CLCA1: variants seen among roughly 807,000 people sequenced by gnomAD.
CLCA1 encodes the protein calcium-activated chloride channel regulator 1.
A neutral mutation model predicts 85.6 loss-of-function variants in CLCA1; 59 were observed. The ratio of observed to expected loss-of-function variants is 0.69; its 90% CI spans 0.56 to 0.86. The LOEUF (loss-of-function observed/expected upper bound fraction) is 0.86, where lower values mean the gene tolerates loss of function less well. Among genes scored for constraint, CLCA1 ranks in the 40% least tolerant of loss-of-function variants. The probability of loss-of-function intolerance (pLI) is 0.00; values close to 1 mark genes in which losing one functional copy is unlikely to be tolerated. For missense variants in CLCA1, 1,022 were observed against 1,101.4 expected (o/e 0.93, Z 1.02); for synonymous variants, 396 against 398.3 (o/e 0.99, Z 0.07).
intron 3 of CLCA1, 67 bp from the exon 4 acceptor site, chr1:86,476,381 C>A: frequency 1.3e-6 from 1 of 765,962 alleles, no homozygotes; most frequent in Non-Finnish European, 2.3e-6. Context: ...ACATTGCTTT[C>A]TTCCAGTGTG....
rs1648342380 is a variant in CLCA1 at position 86,497,997 on chromosome 1, G to C, written c.2114-575G>C. 2.0e-5 allele frequency among the ~76,000 whole-genome samples: 3 copies of C among 152,110 alleles called. No homozygotes were observed. In the South Asian group the frequency reaches 6.2e-4, roughly 32 times the overall value. On this transcript the variant is annotated intron_variant, in intron 12 of 13. Coordinates refer to ENST00000394711, the MANE Select transcript of CLCA1 (RefSeq NM_001285.4). ...ATGTCTACTAAAAATACAAAAATTAGCTCGGTGTGGTGGCACATGCCTGTA... is the reference window on the plus strand; with the variant it reads ...ATGTCTACTAAAAATACAAAAATTACCTCGGTGTGGTGGCACATGCCTGTA...
intron 3 of CLCA1, among the ~76,000 whole-genome samples, chr1:86,474,433 A>C (rs570051639): frequency 6.6e-6 from 1 of 152,082 alleles, no homozygotes; most frequent in Non-Finnish European, 1.5e-5. Context: ...GGACGCCTGT[A>C]GTCCCAGCTA....
intron 9 of CLCA1, among the ~76,000 whole-genome samples, chr1:86,492,594 G>A (rs1239067566): frequency 6.6e-6 from 1 of 152,186 alleles, no homozygotes; most frequent in Non-Finnish European, 1.5e-5. Flanking sequence ...CTTCTAATAG[G>A]TGCTAACTCT....
chr1:86,485,662 A>T, intron 6 of CLCA1, 101 bp downstream of exon 6: 1 of 1,025,916 alleles, frequency 9.7e-7, no homozygotes, highest in South Asian at 1.4e-5. Flanking sequence ...CCCGAGGGCC[A>T]GAATAGTTAT....
At position 86,492,528 on chromosome 1, in the gene CLCA1, G is replaced by T. The variant is rs748291503; in HGVS notation, c.1465-856G>T. ...AGCCCTTCGCTTTCTCCACTTGCCA[G>T]CTTGTGATCTACCTGTGAAACTAGG... On this transcript the variant is annotated intron_variant, in intron 9 of 13. Transcript: ENST00000394711. 1.7e-3 allele frequency among the ~76,000 whole-genome samples: 258 copies of T among 152,202 alleles called. 1 individual carries two copies. Among genetic ancestry groups the T allele is most frequent in the Non-Finnish European group, 2.5e-3 (173 of 68,038 alleles).
At chr1:86,475,739 A>G (rs1299985886) in intron 3 of CLCA1, among the ~76,000 whole-genome samples, 2 of 152,208 alleles carry the variant, frequency 1.3e-5, no homozygotes, top group African/African-American at 4.8e-5. Context: ...GAGTTGAACA[A>G]GAGCATGATA....
chr1:86,485,726 C>T (rs537938248), intron 6 of CLCA1, among the ~76,000 whole-genome samples, 165 bp downstream of exon 6: 20 of 152,280 alleles, frequency 1.3e-4, no homozygotes, highest in African/African-American at 4.3e-4. Context: ...AACAAAGGTT[C>T]AGCATCAACT....
At position 86,491,296 on chromosome 1, in the gene CLCA1, T is replaced by C. The variant is rs560535663; in HGVS notation, c.1389T>C (p.Val463=). ...GGLQTYASDQ[V]QNNGLIDAFG... is the part of the protein sequence containing the mutation. ...TACAGACATATGCTTCAGATCAAGT[T>C]CAGAACAATGGCCTCATTGATGCTT... The change falls in exon 9 of 14, where the codon GTT becomes GTC. Residue 463 remains valine (V), a synonymous_variant. Transcript: ENST00000394711. 13 of 1,613,732 alleles carry C rather than the reference T, an allele frequency of 8.1e-6. No individual in the cohort carries two copies. The South Asian group carries it at 1.4e-4, about 18-fold the overall frequency.
rs1378800026 is a variant in CLCA1 at position 86,469,026 on chromosome 1, GC to G, written c.58del (p.Leu20Ter). The G allele has an allele frequency of 6.2e-7, 1 of 1,613,170 alleles. No individual in the cohort carries two copies. Among genetic ancestry groups the G allele is most frequent in the East Asian group, 2.2e-5 (1 of 44,856 alleles). On this transcript the variant is annotated frameshift_variant, in exon 1 of 14. Transcript: ENST00000394711. LOFTEE classifies it high-confidence loss of function. ...CTTGATTCTTCACCTTCTAGAAGGG[GC>G]CCTGAGTAATTCACTCATTCAGCTG... Reference protein sequence around the residue: ...FILILHLLEGALSNSLIQLNN... With the variant: ...FILILHLLEGXLSNSLIQLNN...
At position 86,476,509 on chromosome 1, in the gene CLCA1, T is replaced by A; in HGVS notation, c.513T>A (p.Asn171Lys). The A allele has an allele frequency of 6.2e-7, 1 of 1,601,716 alleles. No homozygotes were observed. The highest frequency in any genetic ancestry group is 8.6e-7 in the Non-Finnish European group (1 of 1,168,902). Residue 171 changes from asparagine to lysine, a missense_variant, in exon 4 of 14, where the codon AAT becomes AAA. Coordinates refer to ENST00000394711, the MANE Select transcript of CLCA1 (RefSeq NM_001285.4). ...GGGGAGTATTTGACGAGTACAATAA[T>A]GATGAGAAATTCTACTTATCCAATG... ...LRWGVFDEYN[N>K]DEKFYLSNGR...
chr1:86,499,713 G>T lies in CLCA1; in HGVS notation c.2413G>T (p.Glu805Ter). Residue 805 changes from glutamate to a stop codon, truncating the protein, a stop_gained, in exon 14 of 14, where the codon GAA becomes TAA. Coordinates refer to ENST00000394711, the MANE Select transcript of CLCA1 (RefSeq NM_001285.4). LOFTEE classifies it low-confidence loss of function (END_TRUNC). ...TCTTGATCTCAGAGACAAGTTCAAT[G>T]AATCTCTTCAAGTGAATACTACTGC... ...SILDLRDKFN[E>*]SLQVNTTALI... 1 of 1,604,906 alleles carries T rather than the reference G, an allele frequency of 6.2e-7. No homozygotes were observed. The highest frequency in any genetic ancestry group is 1.1e-5 in the South Asian group (1 of 90,882).
intron 12 of CLCA1, among the ~76,000 whole-genome samples, chr1:86,496,070 A>G (rs1275620343): frequency 5.3e-5 from 8 of 151,862 alleles, no homozygotes; most frequent in African/African-American, 2.4e-5. Context: ...TTTGTACTTC[A>G]CTCTCCTCTG....
At position 86,469,073 on chromosome 1, in the gene CLCA1, C is replaced by G. The variant is rs1347027006; in HGVS notation, c.102C>G (p.Gly34=). Residue 34 remains glycine (G), a synonymous_variant, in exon 1 of 14, where the codon GGC becomes GGG. Coordinates refer to ENST00000394711, the MANE Select transcript of CLCA1 (RefSeq NM_001285.4). The part of the protein sequence containing the change: ...LIQLNNNGYE[G]IVVAIDPNVP... ...AGCTGAACAACAATGGCTATGAAGGCATTGTCGTTGCAATCGACCCCAATG... is the reference window on the plus strand; with the variant it reads ...AGCTGAACAACAATGGCTATGAAGGGATTGTCGTTGCAATCGACCCCAATG... The G allele has an allele frequency of 6.2e-7, 1 of 1,612,404 alleles. No individual in the cohort carries two copies. The highest frequency in any genetic ancestry group is 1.7e-5 in the Admixed American group (1 of 59,830).
intron 12 of CLCA1, among the ~76,000 whole-genome samples, chr1:86,496,167 G>C (rs750677472): frequency 6.6e-6 from 1 of 152,162 alleles, no homozygotes; most frequent in African/African-American, 2.4e-5. Flanking sequence ...ACTGTTACTG[G>C]TAAATAGTGT....
In CLCA1 at chr1:86,489,129, C is replaced by T; in HGVS notation, c.1316C>T (p.Pro439Leu). ...ATCATCCACACAGTCGCTTTGGGGC[C>T]CTCTGCAGCTCAAGAACTAGAGGAG... ...GAIIHTVALG[P>L]SAAQELEELS... The change falls in exon 8 of 14, where the codon CCC becomes CTC. Residue 439 changes from proline to leucine, a missense_variant. By Grantham distance (98) the Pro-to-Leu change is moderately conservative. Coordinates refer to ENST00000394711, the MANE Select transcript of CLCA1 (RefSeq NM_001285.4). 3 of 1,614,042 alleles carry T rather than the reference C, an allele frequency of 1.9e-6. 1 individual carries two copies. The South Asian group carries it at 3.3e-5, about 18-fold the overall frequency.
In CLCA1 at chr1:86,485,562, G is replaced by A. The variant is rs1182057013; in HGVS notation, c.954+1G>A. 6.2e-7 allele frequency: 1 copy of A among 1,613,660 alleles called. No homozygotes were observed. The highest frequency in any genetic ancestry group is 8.5e-7 in the Non-Finnish European group (1 of 1,179,576). ...CCTTGACAAATCTGGAAGCATGGCG[G>A]TATGTTCAATGAGTCTTGGTCTTCT... On this transcript the variant is annotated splice_donor_variant, in intron 6 of 13. Coordinates refer to ENST00000394711, the MANE Select transcript of CLCA1 (RefSeq NM_001285.4). LOFTEE classifies it high-confidence loss of function.
At chr1:86,477,250 G>A (rs369042158) in intron 4 of CLCA1, among the ~76,000 whole-genome samples, 24 of 152,280 alleles carry the variant, frequency 1.6e-4, no homozygotes, top group South Asian at 1.2e-3. Flanking sequence ...TCATGGTGGC[G>A]TGAGCCACCA....
At chr1:86,488,592 G>T (rs951529701) in intron 7 of CLCA1, among the ~76,000 whole-genome samples, 1 of 152,160 alleles carries the variant, frequency 6.6e-6, no homozygotes, top group Non-Finnish European at 1.5e-5. Flanking sequence ...ATAAGTTAAA[G>T]TCTGCCCTGG....
intron 1 of CLCA1, among the ~76,000 whole-genome samples, chr1:86,470,500 A>T (rs1348803406): frequency 6.6e-6 from 1 of 152,240 alleles, no homozygotes; most frequent in Non-Finnish European, 1.5e-5. Context: ...TGCCGTATTC[A>T]TCTTCAGTGA....
Sources: gnomAD v4.1 joint callset for allele counts (sites outside exome capture counted in the v4.1 genomes callset) on GRCh38, gnomAD v4.1.1 for gene constraint, MANE v1.5 for transcripts, NCBI Gene and HGNC (gene_info 2026-07-23, HGNC 2026-07-21) for gene names.